Variants in SSBP3 observed in about 807,000 individuals in gnomAD.
SSBP3 encodes the protein single stranded DNA binding protein 3, also known as single-stranded DNA-binding protein 3.
Under a neutral mutation model 69.6 loss-of-function variants are expected in SSBP3, and 5 were observed. That is an observed-to-expected ratio of 0.07 (90% CI 0.04 to 0.15). The LOEUF (loss-of-function observed/expected upper bound fraction) is 0.15. SSBP3 is among the 10% of genes least tolerant of loss of function. The pLI is 1.00. For synonymous variants in SSBP3, 196 were observed against 193.4 expected, an observed-to-expected ratio of 1.01 and a Z score of -0.11; for missense variants, 312 against 534.0, an observed-to-expected ratio of 0.58 and a Z score of 4.10.
intron 14 of SSBP3, 179 bp downstream of exon 14, chr1:54,238,950 G>T: frequency 7.1e-6 from 3 of 423,762 alleles, no homozygotes; most frequent in Non-Finnish European, 1.4e-5. Flanking sequence ...CCCACCCCCT[G>T]CCGCCCATGA....
At chr1:54,238,659 G>C (rs939891103) in intron 14 of SSBP3, 5 of 315,260 alleles carry the variant, frequency 1.6e-5, no homozygotes, top group Non-Finnish European at 2.6e-5. Context: ...GCCAGGTATT[G>C]GGAGTTCCAG....
At chr1:54,327,037 C>T (rs1034687748) in intron 4 of SSBP3, among the ~76,000 whole-genome samples, 4 of 152,030 alleles carry the variant, frequency 2.6e-5, no homozygotes, top group African/African-American at 9.7e-5. Flanking sequence ...AGGGCAGAGC[C>T]GGGCCTCCTG....
At chr1:54,246,277 C>G (rs1644732429) in intron 9 of SSBP3, among the ~76,000 whole-genome samples, 1 of 152,186 alleles carries the variant, frequency 6.6e-6, no homozygotes, top group South Asian at 2.1e-4. Context: ...TCAAAGGGCC[C>G]TTTCTAATCC....
At chr1:54,235,740 G>GCA (rs1439375537) in intron 14 of SSBP3, among the ~76,000 whole-genome samples, 6 of 152,054 alleles carry the variant, frequency 3.9e-5, no homozygotes, top group Non-Finnish European at 8.8e-5. Context: ...GAGCCACCGT[G>GCA]CCCGGCCAGA....
chr1:54,395,126 C>A (rs1431209271), intron 4 of SSBP3, among the ~76,000 whole-genome samples: 1 of 151,984 alleles, frequency 6.6e-6, no homozygotes, highest in Non-Finnish European at 1.5e-5. Context: ...CCTGCCAGGG[C>A]AGGATACATA....
At chr1:54,282,332 G>A (rs768177709) in intron 4 of SSBP3, among the ~76,000 whole-genome samples, 2 of 152,196 alleles carry the variant, frequency 1.3e-5, no homozygotes, top group African/African-American at 2.4e-5. Flanking sequence ...ATGACTCAAC[G>A]AATAAATGAA....
intron 4 of SSBP3, among the ~76,000 whole-genome samples, chr1:54,399,783 G>A (rs910481872): frequency 6.6e-6 from 1 of 152,044 alleles, no homozygotes; most frequent in Non-Finnish European, 1.5e-5. Context: ...AAAGAAAAGT[G>A]GGCTCCTTTT....
At chr1:54,277,167 G>A (rs1328576365) in intron 5 of SSBP3, among the ~76,000 whole-genome samples, 2 of 150,980 alleles carry the variant, frequency 1.3e-5, no homozygotes, top group African/African-American at 4.9e-5. Flanking sequence ...ACTACATCAG[G>A]GATGGCAAAG....
At chr1:54,404,985 G>C (rs929514822) in intron 1 of SSBP3, 55 bp from the exon 2 acceptor site, 2 of 1,501,916 alleles carry the variant, frequency 1.3e-6, no homozygotes, top group Admixed American at 1.8e-5. Context: ...GATCCCACCG[G>C]CGCTCTCCAG....
rs146424288 is a variant in SSBP3 at position 54,381,621 on chromosome 1, G to A, written c.276+20240C>T. 3.3e-5 allele frequency among the ~76,000 whole-genome samples: 5 copies of A among 152,218 alleles called. 1 individual carries two copies. In the East Asian group the frequency reaches 9.7e-4, roughly 30 times the overall value. ...CCACCTCGGTGGGGCACCTTGCCGAGGCCCTCAAATGACTTGGCTCAACCA... is the reference window on the plus strand; with the variant it reads ...CCACCTCGGTGGGGCACCTTGCCGAAGCCCTCAAATGACTTGGCTCAACCA... On this transcript the variant is annotated intron_variant, in intron 4 of 17. Transcript: ENST00000610401.
intron 3 of SSBP3, among the ~76,000 whole-genome samples, chr1:54,402,800 C>T (rs1168406769): frequency 1.3e-5 from 2 of 152,170 alleles, no homozygotes; most frequent in Non-Finnish European, 2.9e-5. Flanking sequence ...CATACAAGTC[C>T]TATGTCAACC....
At chr1:54,378,577 C>A (rs1418445449) in intron 4 of SSBP3, among the ~76,000 whole-genome samples, 1 of 152,224 alleles carries the variant, frequency 6.6e-6, no homozygotes. Context: ...GAAGGGACTG[C>A]CAACAGTCAA....
intron 9 of SSBP3, 152 bp downstream of exon 9, chr1:54,251,464 G>T: frequency 1.1e-6 from 1 of 878,268 alleles, no homozygotes; most frequent in Non-Finnish European, 1.8e-6. Flanking sequence ...GCCTGCCACA[G>T]GAAGCGGACA....
intron 17 of SSBP3, among the ~76,000 whole-genome samples, chr1:54,227,393 T>C (rs1257759618): frequency 1.3e-5 from 2 of 151,994 alleles, no homozygotes; most frequent in African/African-American, 2.4e-5. Flanking sequence ...TGCCCTTCTG[T>C]TGGGAACTAA....
intron 4 of SSBP3, among the ~76,000 whole-genome samples, chr1:54,316,610 C>T (rs1266552291): frequency 7.2e-6 from 1 of 138,416 alleles, no homozygotes; most frequent in Non-Finnish European, 1.5e-5. Flanking sequence ...CACTGCAGTC[C>T]GCAGTCCCAC....
chr1:54,282,377 C>T (rs1402929549), intron 4 of SSBP3, among the ~76,000 whole-genome samples: 5 of 152,206 alleles, frequency 3.3e-5, no homozygotes, highest in East Asian at 3.9e-4. Context: ...GAGAGGGTGA[C>T]GGAGGGCAGA....
chr1:54,252,025 T>C (rs113026855), intron 7 of SSBP3, among the ~76,000 whole-genome samples, 165 bp from the exon 8 acceptor site: 127 of 152,316 alleles, frequency 8.3e-4, no homozygotes, highest in African/African-American at 2.8e-3. Flanking sequence ...ACCCCGGGCC[T>C]ACCAGTCAGC....
chr1:54,395,357 C>T (rs935543288), intron 4 of SSBP3, among the ~76,000 whole-genome samples: 6 of 152,222 alleles, frequency 3.9e-5, no homozygotes, highest in Non-Finnish European at 8.8e-5. Flanking sequence ...AGCTGAAATG[C>T]AAATCTAGAT....
At chr1:54,411,708 C>T (rs1649996158) in intron 1 of SSBP3, among the ~76,000 whole-genome samples, 2 of 151,288 alleles carry the variant, frequency 1.3e-5, no homozygotes, top group African/African-American at 4.9e-5. Context: ...CTGGCTAACA[C>T]AGTGAAACCC....
Sources: gnomAD v4.1 joint callset for allele counts (sites outside exome capture counted in the v4.1 genomes callset) on GRCh38, gnomAD v4.1.1 for gene constraint, MANE v1.5 for transcripts, NCBI Gene and HGNC (gene_info 2026-07-23, HGNC 2026-07-21) for gene names.